The following MSR1 variants were observed in gnomAD, a reference collection of about 807,000 sequenced individuals.
MSR1 encodes macrophage scavenger receptor types I and II.
In MSR1, 53 loss-of-function variants were observed where a neutral mutation model predicts 47.2. The observed-to-expected ratio is 1.12, with a 90% CI of 0.90 to 1.41. The LOEUF (loss-of-function observed/expected upper bound fraction) is 1.41. Among genes scored for constraint, MSR1 ranks in the 40% most tolerant of loss-of-function variants. The probability of loss-of-function intolerance (pLI) is 0.00; values close to 1 mark genes in which losing one functional copy is unlikely to be tolerated. For missense variants in MSR1, 786 were observed against 546.9 expected, an observed-to-expected ratio of 1.44 and a Z score of -4.36; for synonymous variants, 239 against 185.6, an observed-to-expected ratio of 1.29 and a Z score of -2.34.
chr8:16,137,081 C>A (rs1455015360), intron 8 of MSR1, among the ~76,000 whole-genome samples: 3 of 151,972 alleles, frequency 2.0e-5, no homozygotes, highest in African/African-American at 4.8e-5. Context: ...GACATTGGAG[C>A]AGCCAAATAA....
At chr8:16,165,093 C>T (rs1019702352) in intron 4 of MSR1, among the ~76,000 whole-genome samples, 2 of 152,048 alleles carry the variant, frequency 1.3e-5, no homozygotes, top group Non-Finnish European at 2.9e-5. Context: ...CTGCCATGAA[C>T]ATCATTTTAA....
intron 1 of MSR1, among the ~76,000 whole-genome samples, chr8:16,178,775 T>C (rs1015714525): frequency 6.6e-6 from 1 of 152,170 alleles, no homozygotes; most frequent in Admixed American, 6.5e-5. Context: ...TGTTGTTTCC[T>C]GACTTTTTAA....
At chr8:16,156,610 T>C (rs761513123) in intron 5 of MSR1, among the ~76,000 whole-genome samples, 12 of 151,850 alleles carry the variant, frequency 7.9e-5, no homozygotes, top group Non-Finnish European at 1.5e-4. Flanking sequence ...ATAGGAAACA[T>C]AAAAGCCTAG....
At chr8:16,185,514 A>T (rs75937600) in intron 1 of MSR1, among the ~76,000 whole-genome samples, 1,999 of 152,132 alleles carry the variant, frequency 0.013, 46 homozygotes, top group African/African-American at 0.045. Flanking sequence ...AGAATATGTG[A>T]TATAGTTAGG....
intron 9 of MSR1, among the ~76,000 whole-genome samples, chr8:16,114,186 G>C (rs1047119340): frequency 1.3e-5 from 2 of 151,684 alleles, no homozygotes; most frequent in Non-Finnish European, 2.9e-5. Flanking sequence ...GGATAGTTCA[G>C]AGGTATAGAG....
chr8:16,110,190 C>G lies in MSR1; in HGVS notation c.1251G>C (p.Val417=). The stretch of plus-strand genomic sequence containing the variant: ...TAGATGATTCTCTCCCAAAACAAAA[C>G]ACTTCATTCAGCCATATTGGACCAG... ...QGTGPIWLNE[V]FCFGRESSIE... is the part of the protein sequence containing the mutation. The change falls in exon 10 of 10, where the codon GTG becomes GTC. Residue 417 remains valine, a synonymous_variant. Transcript: ENST00000262101. The G allele has an allele frequency of 6.2e-7, 1 of 1,613,616 alleles. No individual in the cohort carries two copies. Among genetic ancestry groups the G allele is most frequent in the Non-Finnish European group, 8.5e-7 (1 of 1,179,670 alleles).
chr8:16,137,075 T>C (rs535720446), intron 8 of MSR1, among the ~76,000 whole-genome samples: 95 of 152,134 alleles, frequency 6.2e-4, no homozygotes, highest in Non-Finnish European at 9.6e-4. Flanking sequence ...AAGAGAGACA[T>C]TGGAGCAGCC....
chr8:16,133,776 G>C (rs1459895080), intron 8 of MSR1, among the ~76,000 whole-genome samples: 1 of 152,070 alleles, frequency 6.6e-6, no homozygotes, highest in East Asian at 1.9e-4. Flanking sequence ...AATGCCTCAG[G>C]ATATTGACCC....
chr8:16,191,609 G>C (rs1270255923), intron 1 of MSR1, among the ~76,000 whole-genome samples: 5 of 151,926 alleles, frequency 3.3e-5, no homozygotes, highest in African/African-American at 1.2e-4. Context: ...ACAGGTTAGG[G>C]AACTGAAATG....
At position 16,191,356 on chromosome 8, in the gene MSR1, A is replaced by G. The variant is rs186069479; in HGVS notation, c.-5+1242T>C. On this transcript the variant is annotated intron_variant, in intron 1 of 9. Coordinates refer to ENST00000262101, the MANE Select transcript of MSR1 (RefSeq NM_138715.3). ...TGACATCATTTAGCTGTGTGATCTT[A>G]GGCAAATATTTTAACTTATTTGAAT... Among the ~76,000 whole-genome samples, 95 of 152,310 alleles carry G rather than the reference A, an allele frequency of 6.2e-4. 1 individual carries two copies. In the East Asian group the frequency reaches 7.9e-3, roughly 13 times the overall value.
chr8:16,190,711 T>C (rs1258005713), intron 1 of MSR1, among the ~76,000 whole-genome samples: 1 of 147,052 alleles, frequency 6.8e-6, no homozygotes, highest in Non-Finnish European at 1.5e-5. Flanking sequence ...TCATATTCTT[T>C]CTTTTTTCTT....
intron 1 of MSR1, among the ~76,000 whole-genome samples, chr8:16,189,911 T>C (rs1308271590): frequency 7.2e-6 from 1 of 139,858 alleles, no homozygotes; most frequent in Non-Finnish European, 1.5e-5. Flanking sequence ...GTTATAAATA[T>C]TTCCTTTTTT....
chr8:16,181,664 G>C (rs1484592847), intron 1 of MSR1, among the ~76,000 whole-genome samples: 1 of 152,014 alleles, frequency 6.6e-6, no homozygotes, highest in South Asian at 2.1e-4. Context: ...TGGGAGGCAA[G>C]GGGAGGGATA....
chr8:16,136,419 A>C (rs537126083), intron 8 of MSR1, among the ~76,000 whole-genome samples: 1 of 152,300 alleles, frequency 6.6e-6, no homozygotes, highest in East Asian at 1.9e-4. Context: ...AGAACACTTA[A>C]TAGACTCCAG....
At chr8:16,126,467 A>T (rs950789460) in intron 8 of MSR1, among the ~76,000 whole-genome samples, 10 of 151,738 alleles carry the variant, frequency 6.6e-5, no homozygotes, top group Admixed American at 5.9e-4. Flanking sequence ...TACAGAAATT[A>T]AAAAAAAATC....
Position 16,120,555 on chromosome 8 carries a change from C to A in MSR1, c.1085G>T (p.Arg362Met). The A allele has an allele frequency of 2.5e-6, 4 of 1,611,236 alleles. No homozygotes were observed. Among genetic ancestry groups the A allele is most frequent in the Non-Finnish European group, 3.4e-6 (4 of 1,179,496 alleles). ...LVGGSGPHEG[R>M]VEILHSGQWG... ...CTGGCCGCTGTGGAGTATCTCCACC[C>A]TCCCCTCGTGAGGGCCGCTCCCACC... Residue 362 changes from arginine to methionine, a missense_variant, in exon 9 of 10, where the codon AGG becomes ATG. Physicochemically the swap from Arg to Met is moderately conservative, Grantham distance 91 (BLOSUM62 -1). Transcript: ENST00000262101.
intron 1 of MSR1, among the ~76,000 whole-genome samples, chr8:16,183,712 C>A (rs978950196): frequency 7.3e-6 from 1 of 137,550 alleles, no homozygotes; most frequent in Non-Finnish European, 1.5e-5. Flanking sequence ...TATGTAATAC[C>A]ATATATATTT....
At chr8:16,140,598 C>T (rs1382462660) in intron 8 of MSR1, 2 of 1,081,196 alleles carry the variant, frequency 1.8e-6, no homozygotes, top group East Asian at 6.7e-5. Flanking sequence ...TTGACTGAAA[C>T]ATCACTCTTC....
rs536080410 is a variant in MSR1, at chr8:16,164,130, G to C, written c.752C>G (p.Thr251Ser). 2.5e-6 allele frequency: 4 copies of C among 1,611,814 alleles called. No individual in the cohort carries two copies. Among genetic ancestry groups the C allele is most frequent in the Admixed American group, 3.3e-5 (2 of 59,928 alleles). The change falls in exon 5 of 10, where the codon ACT becomes AGT. Residue 251 changes from threonine to serine, a missense_variant. Transcript: ENST00000262101. ...CCAATCTTTCAGTCTGAGATCATTA[G>C]TGATGTTATTCAGTACTTTCACTTC... ...KGEVKVLNNI[T>S]NDLRLKDWEH...
Sources: gnomAD v4.1 joint callset for allele counts (sites outside exome capture counted in the v4.1 genomes callset) on GRCh38, gnomAD v4.1.1 for gene constraint, MANE v1.5 for transcripts, NCBI Gene and HGNC (gene_info 2026-07-23, HGNC 2026-07-21) for gene names.